VPS13B: variants seen among roughly 807,000 people sequenced by gnomAD.
The protein encoded by VPS13B is vacuolar protein sorting 13 homolog B.
VPS13B carries 285 observed loss-of-function variants against 426.4 expected under a neutral mutation model. The observed-to-expected ratio is 0.67, with a 90% CI of 0.61 to 0.74. The LOEUF (loss-of-function observed/expected upper bound fraction) is 0.74, where lower values mean the gene tolerates loss of function less well. Among genes scored for constraint, VPS13B ranks in the 30% least tolerant of loss-of-function variants. The pLI is 0.00. For synonymous variants in VPS13B, 1,676 were observed against 1,676.4 expected, an observed-to-expected ratio of 1.00 and a Z score of 0.01; for missense variants, 4,537 against 4,782.6, an observed-to-expected ratio of 0.95 and a Z score of 1.51.
intron 44 of VPS13B, among the ~76,000 whole-genome samples, chr8:99,815,235 C>G (rs1256621161): frequency 6.6e-6 from 1 of 151,968 alleles, no homozygotes; most frequent in Non-Finnish European, 1.5e-5. Context: ...GCTGCAGACC[C>G]AGGAGAGCCA....
chr8:99,331,038 A>G (rs1381556068), intron 19 of VPS13B, among the ~76,000 whole-genome samples: 1 of 151,744 alleles, frequency 6.6e-6, no homozygotes, highest in Non-Finnish European at 1.5e-5. Flanking sequence ...AGATTCTTTA[A>G]TCATAGATAA....
rs373419163 is a variant in VPS13B at position 99,861,992 on chromosome 8, G to A, written c.11215+46G>A. On this transcript the variant is annotated intron_variant, in intron 58 of 61. Transcript: ENST00000357162. ...CCACCTGTCTGTACTCCAGCAGGCT[G>A]AGATGCAGGGTCTCCCAGGACTGGG... The A allele has an allele frequency of 8.7e-5, 134 of 1,536,946 alleles. No homozygotes were observed. In the African/African-American group the frequency reaches 1.7e-3, roughly 19 times the overall value.
At chr8:99,396,690 G>T (rs1814744282) in intron 21 of VPS13B, among the ~76,000 whole-genome samples, 1 of 152,028 alleles carries the variant, frequency 6.6e-6, no homozygotes, top group Admixed American at 6.6e-5. Context: ...GATAGTGAAA[G>T]ATTTTGCATC....
chr8:99,341,210 G>A, intron 19 of VPS13B: 1 of 193,382 alleles, frequency 5.2e-6, no homozygotes, highest in Non-Finnish European at 1.1e-5. Flanking sequence ...TGAAAAAGCT[G>A]TGTTGATAGC....
chr8:99,590,445 T>A (rs1326942836), intron 33 of VPS13B, among the ~76,000 whole-genome samples: 1 of 152,232 alleles, frequency 6.6e-6, no homozygotes, highest in Admixed American at 6.5e-5. Flanking sequence ...CAATTTTAGA[T>A]CTTTCCTGAT....
In VPS13B at chr8:99,121,301, T is replaced by C; in HGVS notation, c.1062T>C (p.Pro354=). The C allele has an allele frequency of 6.2e-7, 1 of 1,614,184 alleles. No homozygotes were observed. Among genetic ancestry groups the C allele is most frequent in the Non-Finnish European group, 8.5e-7 (1 of 1,180,022 alleles). ...GWVSWAWSFV[P]AIVSYDDGEE... is the part of the protein sequence containing the mutation. ...TGTCATGGGCCTGGTCCTTTGTGCC[T>C]GCAATTGTGAGTTATGACGATGGCG... is the stretch of plus-strand genomic sequence containing the variant. Residue 354 remains proline (P), a synonymous_variant, in exon 8 of 62, where the codon CCT becomes CCC. Coordinates refer to ENST00000357162, the MANE Select transcript of VPS13B (RefSeq NM_152564.5).
chr8:99,303,103 A>G (rs1000047107), intron 19 of VPS13B, among the ~76,000 whole-genome samples: 1 of 151,434 alleles, frequency 6.6e-6, no homozygotes, highest in Non-Finnish European at 1.5e-5. Context: ...ACACGGTGAA[A>G]CCCCTTCTCT....
At chr8:99,027,269 A>ATT (rs1842188691) in intron 2 of VPS13B, among the ~76,000 whole-genome samples, 1 of 151,322 alleles carries the variant, frequency 6.6e-6, no homozygotes, top group Non-Finnish European at 1.5e-5. Flanking sequence ...TTTACATTCA[A>ATT]GGTTATTATT....
intron 35 of VPS13B, among the ~76,000 whole-genome samples, chr8:99,689,694 T>C (rs904711114): frequency 6.6e-6 from 1 of 152,166 alleles, no homozygotes; most frequent in Admixed American, 6.5e-5. Context: ...GCCAGAGTTA[T>C]AAATAGTTTT....
chr8:99,557,661 G>A (rs889046288), intron 31 of VPS13B, among the ~76,000 whole-genome samples: 7 of 152,130 alleles, frequency 4.6e-5, no homozygotes, highest in African/African-American at 1.4e-4. Flanking sequence ...AAGATACCTA[G>A]TGGTGAGACT....
At chr8:99,439,152 A>G (rs1817553127) in intron 22 of VPS13B, among the ~76,000 whole-genome samples, 1 of 152,152 alleles carries the variant, frequency 6.6e-6, no homozygotes, top group Non-Finnish European at 1.5e-5. Flanking sequence ...TCTGGAATGA[A>G]ATGATGAACA....
In VPS13B at chr8:99,372,216, C is replaced by T. The variant is rs1813226651; in HGVS notation, c.2825-11992C>T. The stretch of plus-strand genomic sequence containing the variant: ...GCAGTGAGCCGAGATTGCGCCACTG[C>T]ACTCCAGCCTGGGCGACAGCGAGAC... On this transcript the variant is annotated intron_variant, in intron 19 of 61. Coordinates refer to ENST00000357162, the MANE Select transcript of VPS13B (RefSeq NM_152564.5). Among the ~76,000 whole-genome samples the T allele has an allele frequency of 2.0e-5, 3 of 148,036 alleles. 1 individual carries two copies. In the South Asian group the frequency reaches 6.4e-4, roughly 32 times the overall value.
At chr8:99,115,094 TCTTA>T (rs1431235942) in intron 6 of VPS13B, among the ~76,000 whole-genome samples, 2 of 152,194 alleles carry the variant, frequency 1.3e-5, no homozygotes, top group African/African-American at 2.4e-5. Context: ...GTTATTTAAA[TCTTA>T]CTTAAAATTT....
chr8:99,268,764 A>G (rs1340510655), intron 17 of VPS13B, among the ~76,000 whole-genome samples: 1 of 152,114 alleles, frequency 6.6e-6, no homozygotes, highest in Non-Finnish European at 1.5e-5. Flanking sequence ...TTGGAAGGGC[A>G]TGAGTGTTTT....
chr8:99,577,690 C>T (rs969072689), intron 33 of VPS13B, 57 bp downstream of exon 33: 7 of 1,598,462 alleles, frequency 4.4e-6, no homozygotes, highest in Non-Finnish European at 5.1e-6. Flanking sequence ...TTTACATTCA[C>T]AGTAGGAAAA....
At chr8:99,605,894 CTTGT>C (rs1218228591) in intron 33 of VPS13B, among the ~76,000 whole-genome samples, 1 of 151,890 alleles carries the variant, frequency 6.6e-6, no homozygotes, top group Non-Finnish European at 1.5e-5. Flanking sequence ...TGTTTGTTTG[CTTGT>C]TTGTTTGCTT....
intron 17 of VPS13B, among the ~76,000 whole-genome samples, chr8:99,235,284 C>T (rs766899830): frequency 6.6e-6 from 1 of 152,014 alleles, no homozygotes; most frequent in South Asian, 2.1e-4. Context: ...ACCATGCTAT[C>T]GTATTAAAAA....
chr8:99,167,965 TTAAG>T (rs887279054), intron 15 of VPS13B, among the ~76,000 whole-genome samples: 2 of 152,176 alleles, frequency 1.3e-5, no homozygotes. Flanking sequence ...TTTTTCCAGA[TTAAG>T]TATTTATAGT....
chr8:99,825,414 TG>T (rs1403050346), intron 51 of VPS13B, among the ~76,000 whole-genome samples: 3 of 152,212 alleles, frequency 2.0e-5, no homozygotes, highest in African/African-American at 7.2e-5. Flanking sequence ...CACTTTCTGA[TG>T]GGGTTGGTTG....
Sources: gnomAD v4.1 joint callset for allele counts (sites outside exome capture counted in the v4.1 genomes callset) on GRCh38, gnomAD v4.1.1 for gene constraint, MANE v1.5 for transcripts, NCBI Gene and HGNC (gene_info 2026-07-23, HGNC 2026-07-21) for gene names.